The following SCGB2B2 variants were observed in gnomAD, a reference collection of about 807,000 sequenced individuals.
SCGB2B2 encodes the protein secretoglobin-like protein.
SCGB2B2 carries 11 observed loss-of-function variants against 7.6 expected under a neutral mutation model. The ratio of observed to expected loss-of-function variants is 1.45; its 90% CI spans 0.91 to 2.40. The LOEUF is 2.40. Ranked by LOEUF, SCGB2B2 falls within the 30% of genes most tolerant of loss-of-function variation. The pLI, the probability that SCGB2B2 is intolerant of heterozygous loss-of-function variation, is 0.00. For missense variants in SCGB2B2, 104 were observed against 115.4 expected (o/e 0.90, Z 0.45); for synonymous variants, 50 against 48.6 (o/e 1.03, Z -0.12).
At chr19:34,612,377 G>A (rs2065957451) in intron 1 of SCGB2B2, among the ~76,000 whole-genome samples, 1 of 152,022 alleles carries the variant, frequency 6.6e-6, no homozygotes, top group Non-Finnish European at 1.5e-5. Flanking sequence ...TTATTTTATT[G>A]TACACAGAAT....
intron 1 of SCGB2B2, among the ~76,000 whole-genome samples, chr19:34,663,611 G>A (rs1245786010): frequency 1.3e-5 from 2 of 152,192 alleles, no homozygotes; most frequent in Non-Finnish European, 2.9e-5. Flanking sequence ...GTGCCGGGAG[G>A]AGCTCACCAT....
At chr19:34,618,932 C>T (rs1188431671) in intron 1 of SCGB2B2, among the ~76,000 whole-genome samples, 1 of 152,202 alleles carries the variant, frequency 6.6e-6, no homozygotes, top group African/African-American at 2.4e-5. Context: ...ACAGACAAGT[C>T]AAACAATTAT....
At chr19:34,608,891 T>C (rs1254964764) in intron 1 of SCGB2B2, 2 of 151,900 alleles carry the variant, frequency 1.3e-5, no homozygotes, top group South Asian at 2.1e-4. Context: ...TTTTGTTTTT[T>C]TGAGAAACCT....
chr19:34,635,515 C>T (rs370153692), intron 1 of SCGB2B2: 23 of 290,414 alleles, frequency 7.9e-5, no homozygotes, highest in Admixed American at 5.6e-4. Flanking sequence ...TCGCTGCACC[C>T]GTAAGGCTTT....
chr19:34,599,507 C>T (rs1404016145), intron 1 of SCGB2B2, among the ~76,000 whole-genome samples: 1 of 152,158 alleles, frequency 6.6e-6, no homozygotes, highest in East Asian at 1.9e-4. Context: ...AGAATGAGAG[C>T]CAAGCAAGAC....
chr19:34,605,896 T>C (rs2065762865), intron 1 of SCGB2B2, among the ~76,000 whole-genome samples: 1 of 152,152 alleles, frequency 6.6e-6, no homozygotes, highest in East Asian at 1.9e-4. Flanking sequence ...ACCCGGCTAA[T>C]CTTAAAATTT....
Position 34,644,459 on chromosome 19 carries a change from G to T in SCGB2B2, c.-2032+31171C>A, listed in dbSNP as rs567990556. ...CAGTGGCATTAAGTAAATTCTCAAT[G>T]TTGTGCCACCATCACCACTATCGAT... On this transcript the variant is annotated intron_variant, in intron 1 of 3. Coordinates refer to ENST00000601241, the MANE Select transcript of SCGB2B2 (RefSeq NM_001025591.4). Among the ~76,000 whole-genome samples the T allele has an allele frequency of 4.1e-5, 6 of 148,024 alleles. No individual in the cohort carries two copies. The East Asian group carries it at 1.0e-3, about 25-fold the overall frequency.
Position 34,592,124 on chromosome 19 carries a change from C to T in SCGB2B2, c.*1431G>A, listed in dbSNP as rs184517040. ...TGTGTCCTGAGATGGGGGACTGAAA[C>T]GTGTGACCTGGAGGAGATGACGGCT... On this transcript the variant is annotated 3_prime_UTR_variant, in exon 4 of 4. Coordinates refer to ENST00000601241, the MANE Select transcript of SCGB2B2 (RefSeq NM_001025591.4). Among the ~76,000 whole-genome samples, 160 of 152,106 alleles carry T rather than the reference C, an allele frequency of 1.1e-3. 1 individual carries two copies. The highest frequency in any genetic ancestry group is 3.4e-3 in the African/African-American group (141 of 41,486).
rs1372672577 is a variant in SCGB2B2 at position 34,592,938 on chromosome 19, G to A, written c.*617C>T. On this transcript the variant is annotated 3_prime_UTR_variant, in exon 4 of 4. Transcript: ENST00000601241. Reference sequence around the variant, plus strand: ...GAGCCCTGGAGGTTCTGCATTGAGGGGTTGTGGGGTAGAGGTAGGGGGAGA... The same window carrying A: ...GAGCCCTGGAGGTTCTGCATTGAGGAGTTGTGGGGTAGAGGTAGGGGGAGA... 6.6e-6 allele frequency among the ~76,000 whole-genome samples: 1 copy of A among 152,126 alleles called. No individual in the cohort carries two copies. The highest frequency in any genetic ancestry group is 2.4e-5 in the African/African-American group (1 of 41,418).
In SCGB2B2 at chr19:34,612,022, C is replaced by T. The variant is rs200494903; in HGVS notation, c.-2031-15428G>A. On this transcript the variant is annotated intron_variant, in intron 1 of 3. Transcript: ENST00000601241. ...TCATATATTTGTGTTTTAGAAAATT[C>T]TTTTTTTTTTTTTTTTTTTTTTTTT... is the stretch of plus-strand genomic sequence containing the variant. Among the ~76,000 whole-genome samples, 90 of 41,738 alleles carry T rather than the reference C, an allele frequency of 2.2e-3. No homozygotes were observed. In the East Asian group the frequency reaches 0.036, roughly 17 times the overall value. The allele number at this position is 41,738 out of a possible 152,430, so 27.4% of individuals were successfully genotyped here. A position where few individuals can be genotyped will look rare whatever the true frequency, so the allele number is the denominator to read the frequency against.
chr19:34,622,423 G>A lies in SCGB2B2; in HGVS notation c.-2031-25829C>T, dbSNP rs140168099. 1.6e-3 allele frequency among the ~76,000 whole-genome samples: 250 copies of A among 152,294 alleles called. 2 individuals carry two copies. The highest frequency in any genetic ancestry group is 5.6e-3 in the African/African-American group (231 of 41,558). ...GGTATAAAGGGCGAGTTATCTCACT[G>A]TACCTGGGTATTCCTAGTTTGCAAA... is the stretch of plus-strand genomic sequence containing the variant. On this transcript the variant is annotated intron_variant, in intron 1 of 3. Transcript: ENST00000601241.
chr19:34,670,164 C>T (rs1368816674), intron 1 of SCGB2B2, among the ~76,000 whole-genome samples: 2 of 152,100 alleles, frequency 1.3e-5, no homozygotes, highest in East Asian at 1.9e-4. Flanking sequence ...TGCTCCAGGT[C>T]GAGCGTTTTG....
chr19:34,624,148 A>G (rs1301795378), intron 1 of SCGB2B2, among the ~76,000 whole-genome samples: 1 of 152,218 alleles, frequency 6.6e-6, no homozygotes, highest in Admixed American at 6.5e-5. Context: ...TTCTAGGCAG[A>G]GAGGTGTGGG....
chr19:34,602,251 A>C (rs2065647030), intron 1 of SCGB2B2, among the ~76,000 whole-genome samples: 1 of 152,138 alleles, frequency 6.6e-6, no homozygotes, highest in African/African-American at 2.4e-5. Context: ...ATATCAGATG[A>C]TTTTTCAATG....
intron 1 of SCGB2B2, among the ~76,000 whole-genome samples, chr19:34,605,186 T>C (rs977403800): frequency 2.0e-5 from 3 of 152,258 alleles, no homozygotes; most frequent in African/African-American, 7.2e-5. Context: ...TTTGGCTTCA[T>C]TGGTCTTGTG....
intron 1 of SCGB2B2, among the ~76,000 whole-genome samples, chr19:34,612,019 ATTCTTTTTTTTTTTTTT>A (rs1302472506): frequency 2.3e-5 from 1 of 42,994 alleles, no homozygotes; most frequent in Non-Finnish European, 4.8e-5. Flanking sequence ...GTTTTAGAAA[ATTCTTTTTTTTTTTTTT>A]TTTTTTTTTT....
intron 1 of SCGB2B2, among the ~76,000 whole-genome samples, chr19:34,658,810 CAACAAA>C (rs1434449056): frequency 1.0e-3 from 63 of 63,208 alleles, no homozygotes; most frequent in Admixed American, 2.3e-3. Flanking sequence ...ACAACAACAA[CAACAAA>C]AAAAAAAAAA....
intron 1 of SCGB2B2, among the ~76,000 whole-genome samples, chr19:34,642,180 G>A (rs1240426250): frequency 6.6e-6 from 1 of 152,228 alleles, no homozygotes; most frequent in African/African-American, 2.4e-5. Context: ...GATCAGTTCT[G>A]TCTCAAAGGA....
downstream of SCGB2B2, among the ~76,000 whole-genome samples, chr19:34,590,617 T>C (rs1271051184): frequency 6.6e-6 from 1 of 152,222 alleles, no homozygotes; most frequent in Non-Finnish European, 1.5e-5. Flanking sequence ...TAGGTTAATA[T>C]TACTAAGTTA....
Sources: gnomAD v4.1 joint callset for allele counts (sites outside exome capture counted in the v4.1 genomes callset) on GRCh38, gnomAD v4.1.1 for gene constraint, MANE v1.5 for transcripts, NCBI Gene and HGNC (gene_info 2026-07-23, HGNC 2026-07-21) for gene names.